The following SPINDOC variants were observed in gnomAD, a reference collection of about 807,000 sequenced individuals.
SPINDOC encodes spindlin interactor and repressor of chromatin binding, also known as spindlin interactor and repressor of chromatin-binding protein.
SPINDOC carries 13 observed loss-of-function variants against 30.7 expected under a neutral mutation model. That is an observed-to-expected ratio of 0.42 (90% confidence interval 0.28 to 0.67). The LOEUF (loss-of-function observed/expected upper bound fraction) is 0.67. Among genes scored for constraint, SPINDOC ranks in the 30% least tolerant of loss-of-function variants. SPINDOC has a pLI of 0.22. For missense variants in SPINDOC, 438 were observed against 518.0 expected (o/e 0.85, Z 1.50); for synonymous variants, 228 against 211.4 (o/e 1.08, Z -0.68).
In SPINDOC at chr11:63,817,837, C is replaced by G. The variant is rs770657491; in HGVS notation, c.160C>G (p.Pro54Ala). 3.1e-6 allele frequency: 5 copies of G among 1,603,188 alleles called. No homozygotes were observed. The African/African-American group carries it at 6.7e-5, about 21-fold the overall frequency. ...ACAGGAGAAGACCCCACCGCCTAGA[C>G]CCAGCCCGCTAGAGGCAGGCAGTGA... ...TQQEKTPPPR[P>A]SPLEAGSDGC... The change falls in exon 2 of 6, where the codon CCC becomes GCC. Residue 54 changes from proline (P) to alanine (A), a missense_variant. By Grantham distance (27) the Pro-to-Ala change is conservative. This residue lies in a region of SPINDOC where 129 missense variants were observed against 152.7 expected (regional missense o/e 0.84). Coordinates refer to ENST00000294244, the MANE Select transcript of SPINDOC (RefSeq NM_138471.3).
Position 63,813,586 on chromosome 11 carries a change from G to A in SPINDOC, c.-101G>A. The A allele has an allele frequency of 9.2e-7, 1 of 1,091,536 alleles. No individual in the cohort carries two copies. The highest frequency in any genetic ancestry group is 1.1e-6 in the Non-Finnish European group (1 of 876,796). The allele number at this position is 1,091,536 out of a possible 1,614,324, so 67.6% of individuals were successfully genotyped here. On this transcript the variant is annotated 5_prime_UTR_variant, in exon 1 of 6. Coordinates refer to ENST00000294244, the MANE Select transcript of SPINDOC (RefSeq NM_138471.3). ...GGGGGCTGCGCGGGGCGGGCGGCGGGCCCGGCGCTATTCCGGCCAGGAGGC... is the reference window on the plus strand; with the variant it reads ...GGGGGCTGCGCGGGGCGGGCGGCGGACCCGGCGCTATTCCGGCCAGGAGGC...
chr11:63,827,210 C>G lies in SPINDOC; in HGVS notation c.*71C>G. 6.4e-7 allele frequency: 1 copy of G among 1,566,736 alleles called. No individual in the cohort carries two copies. On this transcript the variant is annotated 3_prime_UTR_variant, in exon 6 of 6. Coordinates refer to ENST00000294244, the MANE Select transcript of SPINDOC (RefSeq NM_138471.3). ...CCAGTGGCTTATAACTCAGAGCTGC[C>G]TGGCTCACCCACCTGGTGGAGAGAG...
At chr11:63,821,567 C>T (rs547558408) in intron 5 of SPINDOC, among the ~76,000 whole-genome samples, 2 of 152,310 alleles carry the variant, frequency 1.3e-5, no homozygotes, top group African/African-American at 4.8e-5. Context: ...GTCCTCTGTT[C>T]ACCTCTCCAT....
At position 63,827,154 on chromosome 11, in the gene SPINDOC, G is replaced by GGGGA. The variant is rs1342206227; in HGVS notation, c.*28_*31dup. ...ATGGAGTGTAAATTCTTGCTTTCCTGGGGAGGGAGGGAGGGATGAGGCAGC... is the reference window on the plus strand; with the variant it reads ...ATGGAGTGTAAATTCTTGCTTTCCTGGGGAGGGAGGGAGGGAGGGATGAGGCAGC... On this transcript the variant is annotated 3_prime_UTR_variant, in exon 6 of 6. Coordinates refer to ENST00000294244, the MANE Select transcript of SPINDOC (RefSeq NM_138471.3). 15 of 1,586,906 alleles carry GGGGA rather than the reference G, an allele frequency of 9.5e-6. No homozygotes were observed. The East Asian group carries it at 1.4e-4, about 14-fold the overall frequency.
At position 63,818,353 on chromosome 11, in the gene SPINDOC, C is replaced by G. The variant is rs1374176322; in HGVS notation, c.595C>G (p.Leu199Val). ...GAGCCGGCCCAGGGGACTCCGCCCC[C>G]TCGAGCTTCCTGGTTAGTCAACAGA... is the stretch of plus-strand genomic sequence containing the variant. ...KRSRPRGLRP[L>V]ELPAVPATEP... Residue 199 changes from leucine (L) to valine (V), a missense_variant, in exon 3 of 6, where the codon CTC becomes GTC. By Grantham distance (32) the Leu-to-Val change is conservative. Around this residue, in one of 3 missense-constraint regions of SPINDOC, gnomAD observed 300 missense variants for 332.8 expected, o/e 0.90. Coordinates refer to ENST00000294244, the MANE Select transcript of SPINDOC (RefSeq NM_138471.3). The surrounding 1 kb of genome is among the most constrained non-coding windows in gnomAD (Gnocchi z 5.3). 2.5e-6 allele frequency: 4 copies of G among 1,613,776 alleles called. No homozygotes were observed. The African/African-American group carries it at 5.3e-5, about 22-fold the overall frequency.
chr11:63,818,286 C>T lies in SPINDOC; in HGVS notation c.528C>T (p.Val176=), dbSNP rs548733901. The T allele has an allele frequency of 1.5e-5, 24 of 1,614,038 alleles. No homozygotes were observed. The African/African-American group carries it at 1.9e-4, about 13-fold the overall frequency. Residue 176 remains valine, a synonymous_variant, in exon 3 of 6, where the codon GTC becomes GTT. Coordinates refer to ENST00000294244, the MANE Select transcript of SPINDOC (RefSeq NM_138471.3). This position sits in a 1 kb window ranked among gnomAD's most constrained non-coding sequence, Gnocchi z 5.3. ...PDAARMPAEI[V]VLLDSEDNPS... is the part of the protein sequence containing the mutation. ...CTGCCAGAATGCCAGCCGAAATCGT[C>T]GTTCTCCTTGACTCTGAGGATAACC...
At chr11:63,822,414 C>G (rs1352745923) in intron 5 of SPINDOC, among the ~76,000 whole-genome samples, 1 of 151,386 alleles carries the variant, frequency 6.6e-6, no homozygotes, top group Non-Finnish European at 1.5e-5. Context: ...ATTATGTACT[C>G]CTTTAGTCAC....
At chr11:63,814,585 T>C (rs1481719105) in intron 1 of SPINDOC, among the ~76,000 whole-genome samples, 2 of 152,194 alleles carry the variant, frequency 1.3e-5, no homozygotes, top group Non-Finnish European at 1.5e-5. Context: ...TTAATATGCA[T>C]GAAAATGCAA....
intron 1 of SPINDOC, among the ~76,000 whole-genome samples, chr11:63,815,401 C>T (rs186624891): frequency 1.1e-3 from 173 of 152,254 alleles, no homozygotes; most frequent in African/African-American, 3.9e-3. Flanking sequence ...TCCCATTTTC[C>T]GAGATGGGGA....
At chr11:63,820,428 A>G (rs1034490324) in intron 5 of SPINDOC, among the ~76,000 whole-genome samples, 5 of 150,996 alleles carry the variant, frequency 3.3e-5, no homozygotes, top group African/African-American at 1.2e-4. Flanking sequence ...AAGCTTACAT[A>G]CAGTTTATTT....
chr11:63,822,252 G>A (rs2135153659), intron 5 of SPINDOC, among the ~76,000 whole-genome samples: 1 of 149,084 alleles, frequency 6.7e-6, no homozygotes, highest in Middle Eastern at 3.4e-3. Context: ...GCTAAGGCAA[G>A]AGGATCACTT....
Position 63,817,630 on chromosome 11 carries a change from C to T in SPINDOC, c.128-175C>T, listed in dbSNP as rs370531747. Among the ~76,000 whole-genome samples the T allele has an allele frequency of 1.4e-4, 22 of 152,234 alleles. No homozygotes were observed. In the East Asian group the frequency reaches 3.3e-3, roughly 23 times the overall value. On this transcript the variant is annotated intron_variant, in intron 1 of 5. Transcript: ENST00000294244. Reference sequence around the variant, plus strand: ...GAGAGTCGTGGGATCCCGGGCACATCGGCTGTGTTGAGTGTGGCGTGTGCC... The same window carrying T: ...GAGAGTCGTGGGATCCCGGGCACATTGGCTGTGTTGAGTGTGGCGTGTGCC...
intron 1 of SPINDOC, 96 bp downstream of exon 1, chr11:63,813,909 C>T: frequency 7.2e-7 from 1 of 1,379,934 alleles, no homozygotes; most frequent in South Asian, 1.6e-5. Flanking sequence ...GGCACCTTCT[C>T]ACCCCCTTCA....
At chr11:63,817,271 A>G (rs1027708472) in intron 1 of SPINDOC, among the ~76,000 whole-genome samples, 1 of 152,144 alleles carries the variant, frequency 6.6e-6, no homozygotes, top group Non-Finnish European at 1.5e-5. Flanking sequence ...GCTTGAACCC[A>G]GGAGGTCAAG....
At chr11:63,816,988 C>A (rs2135137343) in intron 1 of SPINDOC, among the ~76,000 whole-genome samples, 1 of 151,744 alleles carries the variant, frequency 6.6e-6, no homozygotes, top group African/African-American at 2.4e-5. Context: ...GGCAACATAG[C>A]AAGACCCCAT....
intron 1 of SPINDOC, among the ~76,000 whole-genome samples, chr11:63,815,326 T>G (rs2015310047): frequency 6.6e-6 from 1 of 152,240 alleles, no homozygotes; most frequent in Non-Finnish European, 1.5e-5. Context: ...TGGAAAGATT[T>G]CGGTGGAGAG....
chr11:63,815,679 A>T (rs2015319832), intron 1 of SPINDOC, among the ~76,000 whole-genome samples: 1 of 152,156 alleles, frequency 6.6e-6, no homozygotes, highest in Non-Finnish European at 1.5e-5. Flanking sequence ...CCCTCATCAC[A>T]CATTACTAAA....
intron 5 of SPINDOC, among the ~76,000 whole-genome samples, chr11:63,820,900 A>C (rs2015500455): frequency 6.7e-6 from 1 of 148,942 alleles, no homozygotes; most frequent in African/African-American, 2.4e-5. Context: ...AAAAAAAAAA[A>C]AAAAAAACAA....
chr11:63,822,226 C>T (rs1705492785), intron 5 of SPINDOC, among the ~76,000 whole-genome samples: 1 of 151,698 alleles, frequency 6.6e-6, no homozygotes, highest in South Asian at 2.1e-4. Flanking sequence ...ACCTCTAGTC[C>T]CTACTAAGAC....
Sources: gnomAD v4.1 joint callset for allele counts (sites outside exome capture counted in the v4.1 genomes callset) on GRCh38, gnomAD v4.1.1 for gene constraint, gnomAD v4.1.1 regional missense constraint, Gnocchi (gnomAD v3.1) non-coding constraint, MANE v1.5 for transcripts, NCBI Gene and HGNC (gene_info 2026-07-23, HGNC 2026-07-21) for gene names.